The following KATNIP variants were observed in gnomAD, a reference collection of about 807,000 sequenced individuals.
KATNIP encodes the protein katanin interacting protein, also known as katanin-interacting protein.
Under a neutral mutation model 174.0 loss-of-function variants are expected in KATNIP, and 126 were observed. That is an observed-to-expected ratio of 0.72 (90% CI 0.63 to 0.84). The LOEUF (loss-of-function observed/expected upper bound fraction) is 0.84. Among genes scored for constraint, KATNIP ranks in the 40% least tolerant of loss-of-function variants. The pLI is 0.00. For missense variants in KATNIP, 1,958 were observed against 2,109.7 expected, an observed-to-expected ratio of 0.93 and a Z score of 1.41; for synonymous variants, 810 against 835.7, an observed-to-expected ratio of 0.97 and a Z score of 0.53.
rs777360350 is a variant in KATNIP at position 27,740,867 on chromosome 16, CAAGG to C, written c.2576_2579del (p.Lys859MetfsTer137). On this transcript the variant is annotated frameshift_variant, in exon 15 of 28. Transcript: ENST00000261588. LOFTEE classifies it high-confidence loss of function. ...CGCCCTGCTAGTGGGAGGAGGGGCT[CAAGG>C]AAGGATGCTGGCAGCAGTAGTCATG... 3 of 1,609,404 alleles carry C rather than the reference CAAGG, an allele frequency of 1.9e-6. No homozygotes were observed. The South Asian group carries it at 3.3e-5, about 18-fold the overall frequency.
At chr16:27,640,863 C>A (rs954735487) in intron 5 of KATNIP, among the ~76,000 whole-genome samples, 2 of 151,896 alleles carry the variant, frequency 1.3e-5, no homozygotes, top group Non-Finnish European at 2.9e-5. Flanking sequence ...AGGCCGGGCG[C>A]GGAGGCTCAC....
intron 18 of KATNIP, chr16:27,757,587 A>T: frequency 1.1e-6 from 1 of 906,144 alleles, no homozygotes; most frequent in South Asian, 5.1e-5. Flanking sequence ...CCTGGAGTAG[A>T]GCTCAAAGAC....
chr16:27,612,290 C>T (rs760022805), intron 2 of KATNIP, among the ~76,000 whole-genome samples: 11 of 152,102 alleles, frequency 7.2e-5, no homozygotes, highest in Non-Finnish European at 1.5e-4. Context: ...TAGGTGGCAA[C>T]CTTGTGACAC....
chr16:27,624,670 A>G (rs903171407), intron 3 of KATNIP, among the ~76,000 whole-genome samples: 1 of 151,968 alleles, frequency 6.6e-6, no homozygotes, highest in Admixed American at 6.6e-5. Context: ...AAATACAAAA[A>G]TTAGCCGGGT....
At chr16:27,744,653 C>T (rs541458750) in intron 15 of KATNIP, among the ~76,000 whole-genome samples, 2 of 151,688 alleles carry the variant, frequency 1.3e-5, no homozygotes, top group Non-Finnish European at 2.9e-5. Flanking sequence ...GAGGCTGAGA[C>T]GGGAAGATCA....
intron 6 of KATNIP, among the ~76,000 whole-genome samples, chr16:27,667,562 G>A (rs1476174403): frequency 6.6e-6 from 1 of 152,062 alleles, no homozygotes; most frequent in East Asian, 1.9e-4. Context: ...ACATTATTGG[G>A]GTTCCAGGGG....
chr16:27,710,251 T>C (rs1422446780), intron 13 of KATNIP, among the ~76,000 whole-genome samples: 3 of 152,070 alleles, frequency 2.0e-5, no homozygotes, highest in Non-Finnish European at 2.9e-5. Flanking sequence ...TCCCACCTAC[T>C]TGAGGCTGAG....
chr16:27,631,000 C>A, intron 4 of KATNIP, 65 bp from the exon 5 acceptor site: 2 of 1,326,504 alleles, frequency 1.5e-6, no homozygotes, highest in Non-Finnish European at 2.1e-6. Flanking sequence ...AGTTACAAAC[C>A]AACCCAGTAC....
chr16:27,708,019 G>T (rs779188550), intron 12 of KATNIP, among the ~76,000 whole-genome samples: 1 of 147,268 alleles, frequency 6.8e-6, no homozygotes, highest in Non-Finnish European at 1.5e-5. Flanking sequence ...AATTCAGCCC[G>T]TAACCTTTTT....
chr16:27,770,139 C>A, intron 21 of KATNIP, 121 bp downstream of exon 21: 2 of 1,143,104 alleles, frequency 1.7e-6, no homozygotes, highest in Non-Finnish European at 2.5e-6. Flanking sequence ...CATTGCTTTT[C>A]AACTTAGTCA....
chr16:27,771,890 C>G (rs1230118947), intron 22 of KATNIP, among the ~76,000 whole-genome samples: 1 of 152,152 alleles, frequency 6.6e-6, no homozygotes, highest in East Asian at 1.9e-4. Context: ...AGGACTCCAG[C>G]TGGGAGGGGC....
At chr16:27,651,426 A>C (rs867397753) in intron 6 of KATNIP, among the ~76,000 whole-genome samples, 1 of 152,092 alleles carries the variant, frequency 6.6e-6, no homozygotes, top group African/African-American at 2.4e-5. Context: ...ATGCAATCTG[A>C]ACAGGGAAAA....
rs557770539 is a variant in KATNIP, at chr16:27,583,078, TAAC to T, written c.63+9130_63+9132del. Among the ~76,000 whole-genome samples the T allele has an allele frequency of 5.0e-3, 759 of 152,208 alleles. 1 individual carries two copies. The highest frequency in any genetic ancestry group is 9.0e-3 in the Non-Finnish European group (614 of 68,002). On this transcript the variant is annotated intron_variant, in intron 2 of 27. Transcript: ENST00000261588. ...AGATGTGTACACAAACACCCAAGTT[TAAC>T]AACAACAGGGCCAAGACTCCAGTGC...
chr16:27,766,209 C>T, intron 19 of KATNIP, 100 bp from the exon 20 acceptor site: 4 of 1,263,084 alleles, frequency 3.2e-6, no homozygotes, highest in Admixed American at 1.9e-5. Flanking sequence ...TAGTGCCAGG[C>T]AGTGGGGACG....
chr16:27,615,240 T>C (rs2076007022), intron 2 of KATNIP, among the ~76,000 whole-genome samples: 1 of 151,124 alleles, frequency 6.6e-6, no homozygotes, highest in Admixed American at 6.6e-5. Context: ...GCCATCCTCC[T>C]GTCTCAGCCT....
chr16:27,595,086 G>A (rs1003595272), intron 2 of KATNIP, among the ~76,000 whole-genome samples: 9 of 152,124 alleles, frequency 5.9e-5, no homozygotes, highest in African/African-American at 1.4e-4. Flanking sequence ...AAGGCCCAGC[G>A]GATAAGAACA....
chr16:27,656,786 T>G (rs1262214438), intron 6 of KATNIP, among the ~76,000 whole-genome samples: 1 of 88,218 alleles, frequency 1.1e-5, no homozygotes, highest in Non-Finnish European at 2.1e-5. Context: ...CTGGGGACTG[T>G]GGTGGGGAGG....
intron 13 of KATNIP, among the ~76,000 whole-genome samples, chr16:27,717,462 C>T (rs1201275889): frequency 6.6e-6 from 1 of 152,070 alleles, no homozygotes; most frequent in Non-Finnish European, 1.5e-5. Context: ...TAATAATTCT[C>T]TCTTATTTTT....
At chr16:27,715,976 TA>T (rs34034289) in intron 13 of KATNIP, among the ~76,000 whole-genome samples, 1,440 of 143,692 alleles carry the variant, frequency 0.01, 16 homozygotes, top group African/African-American at 0.031. Context: ...TACATTTATT[TA>T]AAAAAAAAAA....
Sources: allele counts gnomAD v4.1 joint callset (sites outside exome capture counted in the v4.1 genomes callset), GRCh38; gene constraint gnomAD v4.1.1; transcripts MANE v1.5; gene names NCBI Gene and HGNC (gene_info 2026-07-23, HGNC 2026-07-21).